Variants in UNC13C observed in about 807,000 individuals in gnomAD.
The protein encoded by UNC13C is unc-13 homolog C.
A neutral mutation model predicts 245.4 loss-of-function variants in UNC13C; 174 were observed. The ratio of observed to expected loss-of-function variants is 0.71; its 90% CI spans 0.63 to 0.80. The LOEUF is 0.80. UNC13C is among the 30% of genes least tolerant of loss of function. The pLI, the probability that UNC13C is intolerant of heterozygous loss-of-function variation, is 0.00. For synonymous variants in UNC13C, 992 were observed against 895.1 expected, an observed-to-expected ratio of 1.11 and a Z score of -1.93; for missense variants, 2,829 against 2,602.9, an observed-to-expected ratio of 1.09 and a Z score of -1.89.
At chr15:54,587,114 A>G (rs969892371) in intron 30 of UNC13C, among the ~76,000 whole-genome samples, 1 of 152,186 alleles carries the variant, frequency 6.6e-6, no homozygotes, top group Admixed American at 6.6e-5. Context: ...TGAAATTATT[A>G]ATTAGGTTTC....
chr15:54,622,569 T>C (rs1047743800), intron 31 of UNC13C, 150 bp downstream of exon 31: 1 of 583,048 alleles, frequency 1.7e-6, no homozygotes, highest in Non-Finnish European at 3.0e-6. Flanking sequence ...AAACTTTTGA[T>C]TAAAAATAGA....
chr15:54,126,982 A>G (rs1034003451), intron 2 of UNC13C, among the ~76,000 whole-genome samples: 1 of 152,254 alleles, frequency 6.6e-6, no homozygotes, highest in African/African-American at 2.4e-5. Flanking sequence ...CATTAGAGAA[A>G]TGCAAATCAA....
At chr15:54,618,797 C>A (rs1900614980) in intron 30 of UNC13C, among the ~76,000 whole-genome samples, 1 of 152,090 alleles carries the variant, frequency 6.6e-6, no homozygotes, top group Non-Finnish European at 1.5e-5. Flanking sequence ...ATGTATAGTT[C>A]TTTTCACAGT....
At chr15:54,419,254 G>C (rs541478029) in intron 19 of UNC13C, among the ~76,000 whole-genome samples, 2 of 152,266 alleles carry the variant, frequency 1.3e-5, no homozygotes, top group Admixed American at 1.3e-4. Flanking sequence ...GAGTAGGTAT[G>C]TAATTAACTG....
rs765550632 is a variant in UNC13C at position 54,015,502 on chromosome 15, T to C, written c.2599T>C (p.Tyr867His). ...YYYKAEDEEDYTEPVADNETD... is the reference protein window; with the variant it reads ...YYYKAEDEEDHTEPVADNETD... The stretch of plus-strand genomic sequence containing the variant: ...CTATAAAGCAGAGGATGAGGAAGAT[T>C]ATACTGAACCAGTGGCTGACAATGA... The change falls in exon 2 of 33, where the codon TAT becomes CAT. Residue 867 changes from tyrosine to histidine, a missense_variant. Physicochemically the swap from Tyr to His is moderately conservative, Grantham distance 83. Coordinates refer to ENST00000260323, the MANE Select transcript of UNC13C (RefSeq NM_001080534.3). The C allele has an allele frequency of 6.2e-7, 1 of 1,612,680 alleles. No homozygotes were observed. The highest frequency in any genetic ancestry group is 8.5e-7 in the Non-Finnish European group (1 of 1,179,058).
intron 19 of UNC13C, among the ~76,000 whole-genome samples, chr15:54,437,220 A>G (rs1458303430): frequency 6.6e-6 from 1 of 151,980 alleles, no homozygotes; most frequent in Non-Finnish European, 1.5e-5. Flanking sequence ...AGAAAGTTCC[A>G]AAAGAGGAAA....
intron 17 of UNC13C, among the ~76,000 whole-genome samples, chr15:54,379,947 T>C (rs192279147): frequency 3.3e-5 from 5 of 152,332 alleles, no homozygotes; most frequent in Admixed American, 2.6e-4. Context: ...ATCTAGCTAA[T>C]TGATATATAC....
At chr15:54,305,137 C>T (rs1205754767) in intron 13 of UNC13C, among the ~76,000 whole-genome samples, 1 of 152,034 alleles carries the variant, frequency 6.6e-6, no homozygotes, top group Admixed American at 6.6e-5. Context: ...AAAGTCAGTA[C>T]ATATTTGCAA....
chr15:54,182,162 C>T (rs1299188199), intron 4 of UNC13C, among the ~76,000 whole-genome samples: 1 of 151,966 alleles, frequency 6.6e-6, no homozygotes, highest in Non-Finnish European at 1.5e-5. Context: ...ATGATGTTGC[C>T]TCCGTGTTTA....
At chr15:54,245,280 T>C (rs961947923) in intron 7 of UNC13C, among the ~76,000 whole-genome samples, 3 of 152,202 alleles carry the variant, frequency 2.0e-5, no homozygotes, top group Non-Finnish European at 4.4e-5. Context: ...GTTTTCAGAT[T>C]ATGTTCTGTG....
intron 2 of UNC13C, among the ~76,000 whole-genome samples, chr15:54,138,983 C>T (rs1333242146): frequency 9.5e-3 from 24 of 2,534 alleles, no homozygotes; most frequent in Non-Finnish European, 0.054. Context: ...TTTTTTGAGA[C>T]GGAGTCTCGC....
intron 30 of UNC13C, among the ~76,000 whole-genome samples, chr15:54,576,021 T>C (rs1897944360): frequency 6.6e-6 from 1 of 152,214 alleles, no homozygotes; most frequent in African/African-American, 2.4e-5. Flanking sequence ...ATTCTAAGGA[T>C]GTTGACTCCA....
intron 4 of UNC13C, among the ~76,000 whole-genome samples, chr15:54,158,539 T>C (rs2032847142): frequency 6.6e-6 from 1 of 152,108 alleles, no homozygotes; most frequent in African/African-American, 2.4e-5. Flanking sequence ...TAGGATGGTC[T>C]TGATCTCCTG....
intron 4 of UNC13C, among the ~76,000 whole-genome samples, chr15:54,229,429 G>A (rs965153975): frequency 2.6e-5 from 4 of 152,120 alleles, no homozygotes; most frequent in Non-Finnish European, 5.9e-5. Context: ...ATTCAGCCAT[G>A]TTGCTCCACT....
intron 19 of UNC13C, among the ~76,000 whole-genome samples, chr15:54,476,659 T>C (rs1322303945): frequency 6.6e-6 from 1 of 151,786 alleles, no homozygotes; most frequent in African/African-American, 2.4e-5. Flanking sequence ...TTCTGTTCCA[T>C]TGATCTATAT....
chr15:54,332,943 A>T (rs867858174), intron 15 of UNC13C, among the ~76,000 whole-genome samples: 1 of 152,004 alleles, frequency 6.6e-6, no homozygotes, highest in Admixed American at 6.6e-5. Flanking sequence ...TGGTTATTTC[A>T]TGTTGGATCT....
At chr15:54,624,715 T>A (rs1415470860) in intron 32 of UNC13C, among the ~76,000 whole-genome samples, 1 of 152,074 alleles carries the variant, frequency 6.6e-6, no homozygotes, top group Non-Finnish European at 1.5e-5. Flanking sequence ...CGGATCCTAG[T>A]AGGGAGATAG....
At chr15:54,377,812 C>G (rs2039638668) in intron 17 of UNC13C, among the ~76,000 whole-genome samples, 1 of 152,128 alleles carries the variant, frequency 6.6e-6, no homozygotes, top group Non-Finnish European at 1.5e-5. Context: ...TAACAACTTC[C>G]CAAAGGCCTC....
intron 24 of UNC13C, among the ~76,000 whole-genome samples, chr15:54,524,510 C>A (rs1895362645): frequency 6.6e-6 from 1 of 152,138 alleles, no homozygotes; most frequent in Non-Finnish European, 1.5e-5. Context: ...TGTTTTTAGT[C>A]ACATCAGGAC....
Sources: gnomAD v4.1 joint callset for allele counts (sites outside exome capture counted in the v4.1 genomes callset) on GRCh38, gnomAD v4.1.1 for gene constraint, MANE v1.5 for transcripts, NCBI Gene and HGNC (gene_info 2026-07-23, HGNC 2026-07-21) for gene names.